Variants in CORO7 observed in about 807,000 individuals in gnomAD.
CORO7 encodes the protein coronin 7.
Under a neutral mutation model 126.6 loss-of-function variants are expected in CORO7, and 107 were observed. The observed-to-expected ratio is 0.85, with a 90% CI of 0.72 to 0.99. The LOEUF is 0.99. Ranked by LOEUF, CORO7 falls within the 50% of genes least tolerant of loss-of-function variation. CORO7 has a pLI of 0.00. For missense variants in CORO7, 1,314 were observed against 1,255.8 expected (o/e 1.05, Z -0.70); for synonymous variants, 603 against 536.8 (o/e 1.12, Z -1.70).
chr16:4,357,429 C>T, intron 25 of CORO7, 170 bp from the exon 26 acceptor site: 1 of 663,922 alleles, frequency 1.5e-6, no homozygotes. Flanking sequence ...GTGACCTAGG[C>T]TGACTGCAAC....
At chr16:4,395,219 C>T (rs571963768) in intron 7 of CORO7, 70 bp downstream of exon 7, 3 of 1,609,200 alleles carry the variant, frequency 1.9e-6, no homozygotes, top group Non-Finnish European at 2.5e-6. Flanking sequence ...CTACCTCCAC[C>T]TGCTAGAACC....
At chr16:4,382,765 C>A in intron 9 of CORO7, 1 of 1,565,716 alleles carries the variant, frequency 6.4e-7, no homozygotes, top group South Asian at 1.2e-5. Flanking sequence ...AGTGAAGGTC[C>A]CCTTGGAGCC....
intron 3 of CORO7, among the ~76,000 whole-genome samples, chr16:4,410,401 G>C (rs2141328762): frequency 6.6e-6 from 1 of 152,204 alleles, no homozygotes; most frequent in East Asian, 1.9e-4. Flanking sequence ...CTCCAGCCTG[G>C]ATGACAGAGA....
rs772210389 is a variant in CORO7 at position 4,359,620 on chromosome 16, G to A, written c.2110C>T (p.Gln704Ter). Residue 704 changes from glutamine to a stop codon, truncating the protein, a stop_gained and splice_region_variant, in exon 22 of 28, where the codon CAA (glutamine) becomes TAA (stop). Transcript: ENST00000251166. LOFTEE classifies it high-confidence loss of function. ...RCLLVSGFDS[Q>*]SERQLLLYEA... is the part of the protein sequence containing the mutation. ...TATAGGAGCAGCTGGCGCTCACTTT[G>A]GCTGCAAGGGGGTTTGGGGGCTGAA... is the stretch of plus-strand genomic sequence containing the variant. 10 of 1,593,134 alleles carry A rather than the reference G, an allele frequency of 6.3e-6. No homozygotes were observed. The highest frequency in any genetic ancestry group is 3.4e-5 in the South Asian group (3 of 88,494).
Position 4,364,832 on chromosome 16 carries a change from G to A in CORO7, c.987C>T (p.Arg329=), listed in dbSNP as rs770046308. ...ALAVMSCEVL[R]VLQLSDTAIV... The stretch of plus-strand genomic sequence containing the variant: ...TGGCTGTGTCGCTCAGCTGTAGGAC[G>A]CGGAGTACCTCGCAGCTCATGACGG... Residue 329 remains arginine (R), a synonymous_variant, in exon 12 of 28, where the codon CGC becomes CGT. Coordinates refer to ENST00000251166, the MANE Select transcript of CORO7 (RefSeq NM_024535.5). The A allele has an allele frequency of 1.3e-5, 21 of 1,612,084 alleles. No individual in the cohort carries two copies. Among genetic ancestry groups the A allele is most frequent in the Admixed American group, 5.0e-5 (3 of 59,944 alleles).
chr16:4,394,690 G>A (rs575609340), intron 7 of CORO7, among the ~76,000 whole-genome samples: 101 of 152,214 alleles, frequency 6.6e-4, no homozygotes, highest in Non-Finnish European at 1.1e-3. Context: ...CAATGTTTAC[G>A]GAGCCAGACA....
chr16:4,397,601 T>A (rs2055646224), intron 6 of CORO7, among the ~76,000 whole-genome samples: 1 of 152,022 alleles, frequency 6.6e-6, no homozygotes, highest in African/African-American at 2.4e-5. Context: ...CAATGGACAT[T>A]TCTCTCTTTT....
intron 9 of CORO7, among the ~76,000 whole-genome samples, chr16:4,373,989 C>T (rs1024047590): frequency 1.3e-5 from 2 of 152,164 alleles, no homozygotes; most frequent in African/African-American, 4.8e-5. Flanking sequence ...AGTCCCCTCC[C>T]TGGGCTGGGG....
At chr16:4,412,950 C>G (rs550024834) in intron 2 of CORO7, 3 of 255,030 alleles carry the variant, frequency 1.2e-5, no homozygotes, top group Non-Finnish European at 2.3e-5. Flanking sequence ...AACCAACACA[C>G]GGGCTTTTCA....
Position 4,395,318 on chromosome 16 carries a change from C to G in CORO7, c.586G>C (p.Asp196His). Residue 196 changes from aspartate to histidine, a missense_variant, in exon 7 of 28, where the codon GAC (aspartate) becomes CAC (histidine). By Grantham distance (81) the Asp-to-His change is moderately conservative. Transcript: ENST00000251166. ...GAGGCCCGCGGCTTTGTTCTGGGGT[C>G]AAAGATCCGCAGCTGCTTGTCCTGG... ...ACKDKQLRIF[D>H]PRTKPRASQS... 1 of 1,614,040 alleles carries G rather than the reference C, an allele frequency of 6.2e-7. No homozygotes were observed. The highest frequency in any genetic ancestry group is 8.5e-7 in the Non-Finnish European group (1 of 1,180,004).
At chr16:4,392,841 G>A (rs779122502) in intron 7 of CORO7, among the ~76,000 whole-genome samples, 4 of 152,182 alleles carry the variant, frequency 2.6e-5, no homozygotes, top group South Asian at 2.1e-4. Context: ...TGCTGCCCCC[G>A]CACCAGGGCC....
chr16:4,379,371 G>A (rs2054870492), intron 9 of CORO7, among the ~76,000 whole-genome samples: 1 of 152,074 alleles, frequency 6.6e-6, no homozygotes, highest in African/African-American at 2.4e-5. Context: ...AGGAGTCTAG[G>A]TGATGGGGGC....
chr16:4,388,672 G>A, intron 7 of CORO7, 41 bp from the exon 8 acceptor site: 1 of 1,583,048 alleles, frequency 6.3e-7, no homozygotes, highest in South Asian at 1.1e-5. Flanking sequence ...CCAGGGCCCT[G>A]CTGGTGGGCG....
At chr16:4,415,023 G>A (rs1034999603) in intron 1 of CORO7, among the ~76,000 whole-genome samples, 2 of 152,006 alleles carry the variant, frequency 1.3e-5, no homozygotes, top group African/African-American at 2.4e-5. Context: ...CACCACACCT[G>A]GCTAATTTTT....
rs778738863 is a variant in CORO7, at chr16:4,381,592, C to T, written c.785+6394G>A. ...AGTGCCACCTGTGATCCGAGGCCTC[C>T]GGGGCCTGACGCGCCTGCGGCTGGC... On this transcript the variant is annotated intron_variant, in intron 9 of 27. Transcript: ENST00000251166. 9.4e-6 allele frequency: 15 copies of T among 1,600,390 alleles called. No homozygotes were observed. Among genetic ancestry groups the T allele is most frequent in the African/African-American group, 1.3e-5 (1 of 74,618 alleles).
chr16:4,365,050 T>A lies in CORO7; in HGVS notation c.851A>T (p.Gln284Leu), dbSNP rs2054306342. 1.9e-6 allele frequency: 3 copies of A among 1,601,790 alleles called. No individual in the cohort carries two copies. The African/African-American group carries it at 4.0e-5, about 21-fold the overall frequency. ...LLVLAGKGERQLYCYEVVPQQ... is the reference protein window; with the variant it reads ...LLVLAGKGERLLYCYEVVPQQ... ...CGGGACCACCTCGTAACAGTACAGC[T>A]GCCTCTCGCCCTGAAATGAGTCTGA... Residue 284 changes from glutamine to leucine, a missense_variant, in exon 11 of 28, where the codon CAG (glutamine) becomes CTG (leucine). Coordinates refer to ENST00000251166, the MANE Select transcript of CORO7 (RefSeq NM_024535.5).
intron 1 of CORO7, among the ~76,000 whole-genome samples, chr16:4,413,702 TA>T (rs1248804038): frequency 6.6e-6 from 1 of 151,896 alleles, no homozygotes; most frequent in Non-Finnish European, 1.5e-5. Flanking sequence ...CAAGCCCAGC[TA>T]ATTTTTGTAT....
intron 9 of CORO7, chr16:4,382,891 T>G: frequency 6.5e-7 from 1 of 1,527,186 alleles, no homozygotes; most frequent in Non-Finnish European, 8.8e-7. Flanking sequence ...CGCAAAGCCC[T>G]ACATCTAAGC....
chr16:4,376,657 G>A (rs1252801832), intron 9 of CORO7, among the ~76,000 whole-genome samples: 2 of 152,184 alleles, frequency 1.3e-5, no homozygotes, highest in Non-Finnish European at 2.9e-5. Flanking sequence ...GGCGTGTGTG[G>A]TGTACCCCAG....
Sources: allele counts gnomAD v4.1 joint callset (sites outside exome capture counted in the v4.1 genomes callset), GRCh38; gene constraint gnomAD v4.1.1; transcripts MANE v1.5; gene names NCBI Gene and HGNC (gene_info 2026-07-23, HGNC 2026-07-21).